The following PPP1R21 variants were observed in gnomAD, a reference collection of about 807,000 sequenced individuals.
PPP1R21 encodes KLRAQ motif containing 1.
Under a neutral mutation model 112.8 loss-of-function variants are expected in PPP1R21, and 85 were observed. The observed-to-expected ratio is 0.75, with a 90% CI of 0.63 to 0.90. The LOEUF (loss-of-function observed/expected upper bound fraction) is 0.90, where lower values mean the gene tolerates loss of function less well. PPP1R21 is among the 40% of genes least tolerant of loss of function. The pLI is 0.00. For missense variants in PPP1R21, 1,199 were observed against 901.5 expected (o/e 1.33, Z -4.23); for synonymous variants, 381 against 322.3 (o/e 1.18, Z -1.95).
intron 7 of PPP1R21, 80 bp from the exon 8 acceptor site, chr2:48,464,857 G>A: frequency 9.6e-7 from 1 of 1,045,750 alleles, no homozygotes; most frequent in Middle Eastern, 2.3e-4. Flanking sequence ...TTGCTTCAGA[G>A]CATTCATTAT....
chr2:48,445,240 A>C (rs776668100), intron 1 of PPP1R21, among the ~76,000 whole-genome samples: 1 of 149,330 alleles, frequency 6.7e-6, no homozygotes, highest in African/African-American at 2.5e-5. Context: ...GGAAGTTTCC[A>C]TGAGAATGAA....
chr2:48,488,932 G>T (rs1486356295), intron 14 of PPP1R21, among the ~76,000 whole-genome samples: 9 of 152,192 alleles, frequency 5.9e-5, no homozygotes, highest in Non-Finnish European at 1.3e-4. Flanking sequence ...GTACTACCAT[G>T]ATCCAAATGC....
At chr2:48,503,814 G>T (rs376509809) in intron 17 of PPP1R21, among the ~76,000 whole-genome samples, 1 of 151,816 alleles carries the variant, frequency 6.6e-6, no homozygotes, top group Non-Finnish European at 1.5e-5. Context: ...TTAGCTGGGC[G>T]TGGTGGTGGG....
chr2:48,487,347 A>G (rs1210465592), intron 14 of PPP1R21, among the ~76,000 whole-genome samples: 1 of 152,190 alleles, frequency 6.6e-6, no homozygotes, highest in Non-Finnish European at 1.5e-5. Context: ...TATCTAAACA[A>G]GTACTTTGAA....
At chr2:48,445,386 G>A (rs182452381) in intron 1 of PPP1R21, among the ~76,000 whole-genome samples, 7 of 152,232 alleles carry the variant, frequency 4.6e-5, no homozygotes, top group Admixed American at 4.6e-4. Flanking sequence ...AATTAAAATA[G>A]CCACTTGTAG....
At chr2:48,482,966 G>A (rs1669092973) in intron 13 of PPP1R21, among the ~76,000 whole-genome samples, 1 of 151,842 alleles carries the variant, frequency 6.6e-6, no homozygotes, top group Non-Finnish European at 1.5e-5. Flanking sequence ...GCTCCAGTGT[G>A]TCTTGTTCCT....
chr2:48,457,051 C>G (rs1393919882), intron 3 of PPP1R21, among the ~76,000 whole-genome samples: 1 of 145,376 alleles, frequency 6.9e-6, no homozygotes, highest in South Asian at 2.2e-4. Flanking sequence ...GACTCCCTCT[C>G]AAAAAAAAAA....
intron 11 of PPP1R21, 144 bp from the exon 12 acceptor site, chr2:48,474,539 A>C: frequency 1.5e-6 from 1 of 666,204 alleles, no homozygotes. Context: ...TGATGTAAAA[A>C]AATGGAGCCA....
chr2:48,457,305 C>G (rs535593993), intron 3 of PPP1R21, among the ~76,000 whole-genome samples: 1 of 152,266 alleles, frequency 6.6e-6, no homozygotes, highest in East Asian at 1.9e-4. Context: ...TATTTAATTT[C>G]TTTTTATATG....
chr2:48,454,571 C>A (rs771887167), intron 2 of PPP1R21, 24 bp from the exon 3 acceptor site: 1 of 1,613,552 alleles, frequency 6.2e-7, no homozygotes, highest in South Asian at 1.1e-5. Context: ...CTGTGAGGAC[C>A]AATCTGTTTT....
At chr2:48,450,759 C>T (rs1233609827) in intron 1 of PPP1R21, among the ~76,000 whole-genome samples, 1 of 151,540 alleles carries the variant, frequency 6.6e-6, no homozygotes, top group East Asian at 1.9e-4. Flanking sequence ...GGATTTTAGT[C>T]CCATTTTTGC....
At chr2:48,463,457 T>A (rs4497915) in intron 7 of PPP1R21, among the ~76,000 whole-genome samples, 1 of 151,884 alleles carries the variant, frequency 6.6e-6, no homozygotes, top group African/African-American at 2.4e-5. Flanking sequence ...AGGGTGTAGG[T>A]GGACACTAGA....
intron 21 of PPP1R21, 128 bp from the exon 22 acceptor site, chr2:48,514,587 G>C: frequency 1.4e-6 from 1 of 718,928 alleles, no homozygotes; most frequent in South Asian, 1.5e-5. Flanking sequence ...AAGGTTATCA[G>C]CTATTCTCCT....
At chr2:48,494,050 C>A (rs1221302854) in intron 15 of PPP1R21, among the ~76,000 whole-genome samples, 1 of 109,098 alleles carries the variant, frequency 9.2e-6, no homozygotes, top group Non-Finnish European at 1.8e-5. Context: ...AGGGAGACCT[C>A]GTCTCTCCAA....
At chr2:48,501,806 C>T (rs187295831) in intron 17 of PPP1R21, 2 of 151,032 alleles carry the variant, frequency 1.3e-5, no homozygotes, top group African/African-American at 4.9e-5. Context: ...GAGGCCTTGA[C>T]TCTAAAAAAA....
At chr2:48,472,239 C>CAAAAAAA (rs57711610) in intron 11 of PPP1R21, among the ~76,000 whole-genome samples, 10 of 43,036 alleles carry the variant, frequency 2.3e-4, no homozygotes, top group African/African-American at 3.9e-4. Context: ...GACTCCATCT[C>CAAAAAAA]AAAAAAAAAA....
rs1322905732 is a variant in PPP1R21, at chr2:48,465,659, A to G, written c.897+17A>G. On this transcript the variant is annotated intron_variant, in intron 9 of 21. Coordinates refer to ENST00000294952, the MANE Select transcript of PPP1R21 (RefSeq NM_001135629.3). Reference sequence around the variant, plus strand: ...AATCAGAAGGTAAATTTAATTCAGGATACATTTTGTTTGCCCTGAACAAAA... The same window carrying G: ...AATCAGAAGGTAAATTTAATTCAGGGTACATTTTGTTTGCCCTGAACAAAA... The G allele has an allele frequency of 6.2e-7, 1 of 1,608,126 alleles. No individual in the cohort carries two copies. The highest frequency in any genetic ancestry group is 1.7e-5 in the Admixed American group (1 of 59,084).
At chr2:48,505,432 C>A in intron 17 of PPP1R21, 132 bp from the exon 18 acceptor site, 1 of 698,360 alleles carries the variant, frequency 1.4e-6, no homozygotes, top group Non-Finnish European at 2.5e-6. Context: ...AAAAGACAGT[C>A]CAAGGATGAT....
chr2:48,493,797 G>A (rs1669677834), intron 15 of PPP1R21, among the ~76,000 whole-genome samples: 1 of 151,904 alleles, frequency 6.6e-6, no homozygotes, highest in African/African-American at 2.4e-5. Flanking sequence ...GTATGCTTTT[G>A]TTCGTTTCTG....
Sources: gnomAD v4.1 joint callset for allele counts (sites outside exome capture counted in the v4.1 genomes callset) on GRCh38, gnomAD v4.1.1 for gene constraint, MANE v1.5 for transcripts, NCBI Gene and HGNC (gene_info 2026-07-23, HGNC 2026-07-21) for gene names.